BTBD9: variants seen among roughly 807,000 people sequenced by gnomAD.
BTBD9 encodes BTB/POZ domain-containing protein 9.
In BTBD9, 49 loss-of-function variants were observed where a neutral mutation model predicts 64.3. The observed-to-expected ratio is 0.76, with a 90% CI of 0.61 to 0.97. The LOEUF (loss-of-function observed/expected upper bound fraction) is 0.97, where lower values mean the gene tolerates loss of function less well. Ranked by LOEUF, BTBD9 falls within the 50% of genes least tolerant of loss-of-function variation. The pLI is 0.00. For synonymous variants in BTBD9, 260 were observed against 274.7 expected, an observed-to-expected ratio of 0.95 and a Z score of 0.53; for missense variants, 598 against 762.1, an observed-to-expected ratio of 0.78 and a Z score of 2.53.
At position 38,616,354 on chromosome 6, in the gene BTBD9, C is replaced by G. The variant is rs561371760; in HGVS notation, c.-27-18233G>C. On this transcript the variant is annotated intron_variant, in intron 1 of 10. Transcript: ENST00000481247. Reference sequence around the variant, plus strand: ...CTTGGACTTTTACTTATATAATGGCCATCAATACTATCAGACCCAACGCCT... The same window carrying G: ...CTTGGACTTTTACTTATATAATGGCGATCAATACTATCAGACCCAACGCCT... Among the ~76,000 whole-genome samples the G allele has an allele frequency of 5.3e-5, 8 of 152,240 alleles. No individual in the cohort carries two copies. The South Asian group carries it at 1.7e-3, about 32-fold the overall frequency.
chr6:38,454,926 T>G (rs2127342795), intron 6 of BTBD9, among the ~76,000 whole-genome samples: 1 of 152,104 alleles, frequency 6.6e-6, no homozygotes, highest in South Asian at 2.1e-4. Flanking sequence ...TTAAAGAAAG[T>G]CATTGCCATC....
intron 6 of BTBD9, among the ~76,000 whole-genome samples, chr6:38,558,694 T>C (rs1356026722): frequency 6.6e-6 from 1 of 152,236 alleles, no homozygotes; most frequent in Non-Finnish European, 1.5e-5. Context: ...CATTTATTGA[T>C]GTGCGTATGT....
intron 6 of BTBD9, among the ~76,000 whole-genome samples, chr6:38,408,756 G>GCTT (rs1161175993): frequency 1.3e-5 from 2 of 152,266 alleles, no homozygotes; most frequent in East Asian, 3.9e-4. Flanking sequence ...CCAACAACAG[G>GCTT]CTTCCAAATT....
chr6:38,227,443 C>T (rs765513391), intron 9 of BTBD9, among the ~76,000 whole-genome samples: 1 of 152,202 alleles, frequency 6.6e-6, no homozygotes, highest in Non-Finnish European at 1.5e-5. Flanking sequence ...TAAAGAGGCA[C>T]ACAATGAGGT....
intron 6 of BTBD9, among the ~76,000 whole-genome samples, chr6:38,361,875 A>AAC (rs1554142314): frequency 1.3e-5 from 2 of 151,606 alleles, no homozygotes; most frequent in African/African-American, 4.8e-5. Flanking sequence ...CAGGAAAAAA[A>AAC]AAAAACAAAA....
chr6:38,459,670 C>T (rs1443355524), intron 6 of BTBD9, among the ~76,000 whole-genome samples: 1 of 152,178 alleles, frequency 6.6e-6, no homozygotes, highest in Non-Finnish European at 1.5e-5. Context: ...TGCTAAGTTA[C>T]TGAGATTTTG....
chr6:38,347,816 G>A (rs1764343938), intron 6 of BTBD9, among the ~76,000 whole-genome samples: 1 of 152,118 alleles, frequency 6.6e-6, no homozygotes, highest in Non-Finnish European at 1.5e-5. Flanking sequence ...GGCTAACACG[G>A]TGAAACCCCA....
intron 6 of BTBD9, among the ~76,000 whole-genome samples, chr6:38,387,687 A>T (rs1582342885): frequency 6.6e-6 from 1 of 152,332 alleles, no homozygotes; most frequent in Non-Finnish European, 1.5e-5. Context: ...AAAATATAAC[A>T]TATGGATCTG....
chr6:38,450,533 T>G (rs1769487081), intron 6 of BTBD9, among the ~76,000 whole-genome samples: 1 of 151,914 alleles, frequency 6.6e-6, no homozygotes, highest in African/African-American at 2.4e-5. Flanking sequence ...TACAAACAAT[T>G]TTATGGGTCA....
intron 6 of BTBD9, among the ~76,000 whole-genome samples, chr6:38,476,206 A>T (rs1414868203): frequency 6.6e-6 from 1 of 152,232 alleles, no homozygotes; most frequent in Non-Finnish European, 1.5e-5. Context: ...GCAGCACAGC[A>T]CAAAGGCCAG....
At chr6:38,563,776 C>CTTTTTTT (rs57927975) in intron 6 of BTBD9, among the ~76,000 whole-genome samples, 25 of 113,578 alleles carry the variant, frequency 2.2e-4, no homozygotes, top group African/African-American at 8.3e-4. Context: ...GCCTATCTAA[C>CTTTTTTT]TTTTTTTTTT....
intron 6 of BTBD9, among the ~76,000 whole-genome samples, chr6:38,498,674 C>T (rs1296252535): frequency 6.6e-6 from 1 of 152,136 alleles, no homozygotes; most frequent in South Asian, 2.1e-4. Context: ...TTTCTACACA[C>T]CATCCAATTT....
intron 6 of BTBD9, among the ~76,000 whole-genome samples, chr6:38,368,918 A>G (rs1463834706): frequency 2.0e-5 from 3 of 152,166 alleles, no homozygotes; most frequent in African/African-American, 7.2e-5. Flanking sequence ...GGCTGAAGAC[A>G]TAGCCATTTA....
At chr6:38,192,650 G>C in intron 9 of BTBD9, 53 bp from the exon 10 acceptor site, 1 of 1,522,950 alleles carries the variant, frequency 6.6e-7, no homozygotes, top group South Asian at 1.1e-5. Flanking sequence ...TGACTCTCTG[G>C]TAGTGTGGCC....
At chr6:38,384,389 A>G (rs1179450199) in intron 6 of BTBD9, among the ~76,000 whole-genome samples, 1 of 152,220 alleles carries the variant, frequency 6.6e-6, no homozygotes, top group Non-Finnish European at 1.5e-5. Flanking sequence ...GTATTAAAAG[A>G]GACAAAGATT....
intron 6 of BTBD9, among the ~76,000 whole-genome samples, chr6:38,491,506 C>T (rs1771701165): frequency 6.6e-6 from 1 of 152,156 alleles, no homozygotes; most frequent in Non-Finnish European, 1.5e-5. Context: ...GTTTTCTTCA[C>T]TTTATTGCTA....
chr6:38,593,120 G>T (rs896924170), intron 3 of BTBD9, among the ~76,000 whole-genome samples: 30 of 152,074 alleles, frequency 2.0e-4, no homozygotes, highest in African/African-American at 5.6e-4. Flanking sequence ...ACAGCAAAAA[G>T]AAAAACGCCA....
intron 6 of BTBD9, among the ~76,000 whole-genome samples, chr6:38,510,038 C>G (rs1772710101): frequency 6.6e-6 from 1 of 152,172 alleles, no homozygotes; most frequent in Admixed American, 6.5e-5. Flanking sequence ...ACTAGCACCA[C>G]CAAAAAACAC....
chr6:38,396,276 A>G (rs1347830355), intron 6 of BTBD9, among the ~76,000 whole-genome samples: 1 of 152,220 alleles, frequency 6.6e-6, no homozygotes, highest in East Asian at 1.9e-4. Context: ...TGAACAGAAG[A>G]AAGATAAAAC....
Sources: gnomAD v4.1 joint callset for allele counts (sites outside exome capture counted in the v4.1 genomes callset) on GRCh38, gnomAD v4.1.1 for gene constraint, MANE v1.5 for transcripts, NCBI Gene and HGNC (gene_info 2026-07-23, HGNC 2026-07-21) for gene names.